KCNH8: variants seen among roughly 807,000 people sequenced by gnomAD.
KCNH8 encodes the protein potassium voltage-gated channel subfamily H member 8.
Under a neutral mutation model 103.6 loss-of-function variants are expected in KCNH8, and 70 were observed. The ratio of observed to expected loss-of-function variants is 0.68; its 90% CI spans 0.56 to 0.82. The LOEUF (loss-of-function observed/expected upper bound fraction) is 0.82, where lower values mean the gene tolerates loss of function less well. KCNH8 is among the 40% of genes least tolerant of loss of function. The pLI, the probability that KCNH8 is intolerant of heterozygous loss-of-function variation, is 0.00. For synonymous variants in KCNH8, 498 were observed against 489.4 expected, an observed-to-expected ratio of 1.02 and a Z score of -0.23; for missense variants, 1,217 against 1,329.9, an observed-to-expected ratio of 0.92 and a Z score of 1.32.
chr3:19,295,383 CAAATAAATAAATAAAT>C (rs554786703), intron 3 of KCNH8, among the ~76,000 whole-genome samples: 16 of 145,412 alleles, frequency 1.1e-4, no homozygotes, highest in South Asian at 4.7e-4. Context: ...GACCCTGTCT[CAAATAAATAAATAAAT>C]AAATAAATAA....
intron 2 of KCNH8, 29 bp from the exon 3 acceptor site, chr3:19,281,169 T>C: frequency 6.2e-7 from 1 of 1,600,290 alleles, no homozygotes; most frequent in Non-Finnish European, 8.5e-7. Context: ...CAATGGTTGA[T>C]TTGTATTTTT....
intron 11 of KCNH8, among the ~76,000 whole-genome samples, chr3:19,491,463 T>A (rs1292509142): frequency 1.3e-5 from 2 of 152,238 alleles, no homozygotes; most frequent in Non-Finnish European, 2.9e-5. Context: ...TTGCTGAGGA[T>A]TCTTGCCTCC....
intron 5 of KCNH8, among the ~76,000 whole-genome samples, chr3:19,386,796 A>C (rs1302046301): frequency 1.3e-5 from 2 of 152,080 alleles, no homozygotes; most frequent in African/African-American, 4.8e-5. Context: ...TCATATTCTT[A>C]TTGTAATATT....
At chr3:19,288,192 T>TC (rs1401644920) in intron 3 of KCNH8, among the ~76,000 whole-genome samples, 7 of 138,898 alleles carry the variant, frequency 5.0e-5, no homozygotes, top group African/African-American at 1.5e-4. Flanking sequence ...TTTTTTTTTT[T>TC]TTTTTTTTTT....
At chr3:19,272,762 A>G (rs997407664) in intron 2 of KCNH8, among the ~76,000 whole-genome samples, 7 of 151,970 alleles carry the variant, frequency 4.6e-5, no homozygotes, top group African/African-American at 1.4e-4. Context: ...CTTCTCCCAC[A>G]CTTTCCTACA....
intron 7 of KCNH8, among the ~76,000 whole-genome samples, chr3:19,416,528 T>G (rs1176816325): frequency 6.6e-6 from 1 of 152,184 alleles, no homozygotes; most frequent in Non-Finnish European, 1.5e-5. Flanking sequence ...TGTTCTAAGT[T>G]TCTGTTCTGC....
At position 19,205,037 on chromosome 3, in the gene KCNH8, AC is replaced by A. The variant is rs1162884475; in HGVS notation, c.77-48616del. On this transcript the variant is annotated intron_variant, in intron 1 of 15. Transcript: ENST00000328405. ...AAACCAAAATAGAGATCAAAAGAAT[AC>A]AGTGTTTATGCTGTCTATTCGCTCA... Among the ~76,000 whole-genome samples, 40 of 152,138 alleles carry A rather than the reference AC, an allele frequency of 2.6e-4. 1 individual carries two copies. The highest frequency in any genetic ancestry group is 2.2e-3 in the Admixed American group (33 of 15,250).
chr3:19,209,791 C>T (rs370581563), intron 1 of KCNH8, among the ~76,000 whole-genome samples: 7 of 152,164 alleles, frequency 4.6e-5, no homozygotes, highest in African/African-American at 1.7e-4. Context: ...GAAGAGAATT[C>T]AGACAGGATT....
chr3:19,475,809 G>A (rs542215478), intron 11 of KCNH8, among the ~76,000 whole-genome samples: 1 of 152,186 alleles, frequency 6.6e-6, no homozygotes, highest in South Asian at 2.1e-4. Context: ...CTATTATTGA[G>A]GGAGCAAAAA....
At chr3:19,286,335 G>T (rs138230632) in intron 3 of KCNH8, among the ~76,000 whole-genome samples, 1,822 of 152,306 alleles carry the variant, frequency 0.012, 31 homozygotes, top group African/African-American at 0.041. Flanking sequence ...CCCTAATCCA[G>T]TCTGACTCTT....
chr3:19,313,650 T>G (rs2065234725), intron 3 of KCNH8, among the ~76,000 whole-genome samples: 2 of 151,580 alleles, frequency 1.3e-5, no homozygotes, highest in South Asian at 4.1e-4. Flanking sequence ...CCTAAGTTCT[T>G]GAAATTGAAG....
At chr3:19,403,300 A>G (rs1024817801) in intron 7 of KCNH8, among the ~76,000 whole-genome samples, 1 of 148,774 alleles carries the variant, frequency 6.7e-6, no homozygotes, top group Admixed American at 6.7e-5. Context: ...ATCTACTGAC[A>G]ATCTCATACA....
chr3:19,281,704 T>C (rs2064759294), intron 3 of KCNH8, among the ~76,000 whole-genome samples: 1 of 152,118 alleles, frequency 6.6e-6, no homozygotes, highest in South Asian at 2.1e-4. Flanking sequence ...TCCTCTAGAT[T>C]GCTGTAGCTC....
intron 2 of KCNH8, among the ~76,000 whole-genome samples, chr3:19,266,064 T>A (rs985191271): frequency 6.6e-6 from 1 of 151,080 alleles, no homozygotes; most frequent in Non-Finnish European, 1.5e-5. Context: ...CTGAAGTGTG[T>A]CCTGCAATCC....
chr3:19,152,426 A>G (rs1218884313), intron 1 of KCNH8, among the ~76,000 whole-genome samples: 1 of 152,146 alleles, frequency 6.6e-6, no homozygotes, highest in Non-Finnish European at 1.5e-5. Flanking sequence ...ATTAGCCTAC[A>G]TTTTCTAGGC....
At chr3:19,262,555 G>A (rs1214669904) in intron 2 of KCNH8, among the ~76,000 whole-genome samples, 1 of 151,970 alleles carries the variant, frequency 6.6e-6, no homozygotes, top group Non-Finnish European at 1.5e-5. Context: ...TGGCTGTTAG[G>A]TAATGGGCTC....
chr3:19,333,783 A>G (rs2065544105), intron 3 of KCNH8, among the ~76,000 whole-genome samples: 1 of 152,216 alleles, frequency 6.6e-6, no homozygotes. Context: ...CCAGTTATAT[A>G]TTAATCCAGA....
At chr3:19,492,830 CGTGTGTGTGT>C (rs67383228) in intron 11 of KCNH8, among the ~76,000 whole-genome samples, 11,886 of 123,412 alleles carry the variant, frequency 0.096, 618 homozygotes, top group African/African-American at 0.12. Flanking sequence ...AATGTTTTTT[CGTGTGTGTGT>C]GTGTGTGTGT....
rs201828428 is a variant in KCNH8, at chr3:19,525,704, C to A, written c.2619+7630C>A. ...TGGTAATGCTAGACTTGTAATTCTT[C>A]CCTAATTATAATTTAAGAGACGTCG... On this transcript the variant is annotated intron_variant, in intron 15 of 15. Transcript: ENST00000328405. Among the ~76,000 whole-genome samples, 15 of 152,012 alleles carry A rather than the reference C, an allele frequency of 9.9e-5. 1 individual carries two copies. The East Asian group carries it at 2.7e-3, about 28-fold the overall frequency.
Sources: gnomAD v4.1 joint callset for allele counts (sites outside exome capture counted in the v4.1 genomes callset) on GRCh38, gnomAD v4.1.1 for gene constraint, MANE v1.5 for transcripts, NCBI Gene and HGNC (gene_info 2026-07-23, HGNC 2026-07-21) for gene names.